Variants in RGS5 observed in about 807,000 individuals in gnomAD.
RGS5 encodes the protein regulator of G protein signaling 5.
Under a neutral mutation model 18.9 loss-of-function variants are expected in RGS5, and 20 were observed. That is an observed-to-expected ratio of 1.06 (90% CI 0.74 to 1.54). The LOEUF (loss-of-function observed/expected upper bound fraction) is 1.54. Among genes scored for constraint, RGS5 ranks in the 40% most tolerant of loss-of-function variants. RGS5 has a pLI of 0.00. For synonymous variants in RGS5, 57 were observed against 76.2 expected, an observed-to-expected ratio of 0.75 and a Z score of 1.31; for missense variants, 201 against 211.8, an observed-to-expected ratio of 0.95 and a Z score of 0.32.
chr1:163,218,052 G>T (rs1660256267), upstream of RGS5, among the ~76,000 whole-genome samples: 1 of 151,868 alleles, frequency 6.6e-6, no homozygotes. Flanking sequence ...AAAAAAAATT[G>T]TGTAATATGG....
chr1:163,199,535 C>T (rs1400926783), intron 1 of RGS5, among the ~76,000 whole-genome samples: 2 of 151,984 alleles, frequency 1.3e-5, no homozygotes, highest in East Asian at 1.9e-4. Flanking sequence ...ATATATTCCA[C>T]CCTTTAATCT....
chr1:163,268,945 A>G (rs768836511), intron 2 of RGS5, among the ~76,000 whole-genome samples: 3 of 152,020 alleles, frequency 2.0e-5, no homozygotes, highest in Non-Finnish European at 2.9e-5. Flanking sequence ...AATAAGGTCA[A>G]ATGGGTTAGT....
At chr1:163,207,098 T>C (rs1659972198), upstream of RGS5, among the ~76,000 whole-genome samples, 1 of 152,184 alleles carries the variant, frequency 6.6e-6, no homozygotes, top group Non-Finnish European at 1.5e-5. Context: ...AGTGGTATAA[T>C]TTTTGCTATT....
chr1:163,286,169 C>A (rs1219220559), intron 2 of RGS5, among the ~76,000 whole-genome samples: 1 of 151,856 alleles, frequency 6.6e-6, no homozygotes, highest in Non-Finnish European at 1.5e-5. Context: ...AAATAAAAAA[C>A]CAGTACAACA....
rs530879681 is a variant in RGS5 at position 163,153,344 on chromosome 1, T to C, written c.218-628A>G. Among the ~76,000 whole-genome samples, 5 of 152,196 alleles carry C rather than the reference T, an allele frequency of 3.3e-5. 1 individual carries two copies. The South Asian group carries it at 8.3e-4, about 25-fold the overall frequency. Reference sequence around the variant, plus strand: ...AGAAACAGAAGAAACATTTACACGATGAAAGGAAAACTGTATGAAAGGTAG... The same window carrying C: ...AGAAACAGAAGAAACATTTACACGACGAAAGGAAAACTGTATGAAAGGTAG... On this transcript the variant is annotated intron_variant, in intron 3 of 4. Transcript: ENST00000313961.
chr1:163,276,801 C>T (rs1423402866), intron 2 of RGS5, among the ~76,000 whole-genome samples: 4 of 152,320 alleles, frequency 2.6e-5, no homozygotes, highest in South Asian at 2.1e-4. Context: ...AATGTTGACT[C>T]TGACAAATCT....
intron 2 of RGS5, among the ~76,000 whole-genome samples, chr1:163,263,473 T>A (rs1255488751): frequency 6.6e-6 from 1 of 152,174 alleles, no homozygotes; most frequent in Non-Finnish European, 1.5e-5. Context: ...TTAGTTACCA[T>A]TTGTTAACAC....
chr1:163,147,577 A>G, intron 4 of RGS5, 74 bp from the exon 5 acceptor site: 1 of 1,291,426 alleles, frequency 7.7e-7, no homozygotes, highest in Non-Finnish European at 1.0e-6. Flanking sequence ...AGGGAGGTGG[A>G]ATTTCTCATC....
At chr1:163,279,527 C>T (rs923222999) in intron 2 of RGS5, among the ~76,000 whole-genome samples, 1 of 151,568 alleles carries the variant, frequency 6.6e-6, no homozygotes, top group African/African-American at 2.4e-5. Flanking sequence ...AAAAGCAGTC[C>T]TAAGAGGAAA....
At chr1:163,171,545 T>A (rs1658298312) in intron 1 of RGS5, among the ~76,000 whole-genome samples, 1 of 152,230 alleles carries the variant, frequency 6.6e-6, no homozygotes, top group African/African-American at 2.4e-5. Context: ...GTTTTGGTTT[T>A]AACTTTATCC....
chr1:163,161,734 C>T (rs2102393410), intron 3 of RGS5, 181 bp downstream of exon 3: 4 of 533,844 alleles, frequency 7.5e-6, no homozygotes, highest in South Asian at 6.2e-5. Context: ...GTGCCACAGA[C>T]CCTCCTTTTC....
chr1:163,320,525 C>A (rs957469673), intron 1 of RGS5, among the ~76,000 whole-genome samples: 1 of 152,128 alleles, frequency 6.6e-6, no homozygotes, highest in Non-Finnish European at 1.5e-5. Flanking sequence ...TCAGTCACTA[C>A]GCTATGGTTC....
At chr1:163,166,914 G>A (rs1009776364) in intron 2 of RGS5, among the ~76,000 whole-genome samples, 13 of 152,140 alleles carry the variant, frequency 8.5e-5, no homozygotes, top group African/African-American at 3.1e-4. Flanking sequence ...CTTCAAAATA[G>A]ATGTTTTGAT....
chr1:163,293,343 A>C (rs1244102728), intron 2 of RGS5, among the ~76,000 whole-genome samples: 1 of 152,194 alleles, frequency 6.6e-6, no homozygotes, highest in African/African-American at 2.4e-5. Flanking sequence ...CCAGAAGATG[A>C]AGGAGAAGCA....
At chr1:163,169,140 G>A (rs1387793629) in intron 1 of RGS5, among the ~76,000 whole-genome samples, 11 of 151,854 alleles carry the variant, frequency 7.2e-5, no homozygotes, top group African/African-American at 2.4e-4. Flanking sequence ...GCAATAGTTT[G>A]CTGAGAATGA....
rs76934917 is a variant in RGS5 at position 163,165,599 on chromosome 1, G to T, written c.155+2659C>A. Among the ~76,000 whole-genome samples, 1,158 of 152,270 alleles carry T rather than the reference G, an allele frequency of 7.6e-3. 17 individuals are homozygous for T. The highest frequency in any genetic ancestry group is 0.026 in the African/African-American group (1,093 of 41,560). ...GAATGCGGGACTAGAAGTTAAGGAA[G>T]AGAGTTTTAAGAGTAGGTCAACTGG... On this transcript the variant is annotated intron_variant, in intron 2 of 4. Transcript: ENST00000313961.
At chr1:163,303,957 T>C (rs1294451259) in intron 2 of RGS5, among the ~76,000 whole-genome samples, 2 of 152,098 alleles carry the variant, frequency 1.3e-5, no homozygotes, top group Non-Finnish European at 2.9e-5. Context: ...GCCCTTGACA[T>C]CCAACTCCTG....
At chr1:163,303,556 G>A (rs17358408) in intron 2 of RGS5, among the ~76,000 whole-genome samples, 32,361 of 152,144 alleles carry the variant, frequency 0.21, 3,674 homozygotes, top group African/African-American at 0.3. Flanking sequence ...CTATAAGGAT[G>A]AAGAGAGCTT....
intron 2 of RGS5, among the ~76,000 whole-genome samples, chr1:163,162,568 A>C (rs1657850651): frequency 6.6e-6 from 1 of 152,012 alleles, no homozygotes; most frequent in Non-Finnish European, 1.5e-5. Flanking sequence ...ACAGGATCAG[A>C]CTTTTTTTTA....
Sources: gnomAD v4.1 joint callset for allele counts (sites outside exome capture counted in the v4.1 genomes callset) on GRCh38, gnomAD v4.1.1 for gene constraint, MANE v1.5 for transcripts, NCBI Gene and HGNC (gene_info 2026-07-23, HGNC 2026-07-21) for gene names.